Variants in CLEC4C observed in about 807,000 individuals in gnomAD.
The protein encoded by CLEC4C is C-type lectin domain family 4 member C.
In CLEC4C, 17 loss-of-function variants were observed where a neutral mutation model predicts 27.7. The observed-to-expected ratio is 0.61, with a 90% CI of 0.42 to 0.92. The LOEUF is 0.92. Ranked by LOEUF, CLEC4C falls within the 40% of genes least tolerant of loss-of-function variation. The pLI is 0.00. For synonymous variants in CLEC4C, 80 were observed against 80.8 expected (o/e 0.99, Z 0.06); for missense variants, 244 against 257.3 (o/e 0.95, Z 0.35).
In CLEC4C at chr12:7,729,730, A is replaced by T; in HGVS notation, c.508T>A (p.Ser170Thr). The T allele has an allele frequency of 6.2e-7, 1 of 1,613,914 alleles. No individual in the cohort carries two copies. The highest frequency in any genetic ancestry group is 1.3e-5 in the African/African-American group (1 of 75,056). ...TCATCAAGGTTATTGGGTTCACCTG[A>T]GTGCCAGAATCTGAAAGGTAGATAA... ...PYNENVTFWH[S>T]GEPNNLDERC... is the part of the protein sequence containing the mutation. Residue 170 changes from serine (S) to threonine (T), a missense_variant, in exon 6 of 6, where the codon TCA becomes ACA. Physicochemically the swap from Ser to Thr is moderately conservative, Grantham distance 58. Transcript: ENST00000360345.
At chr12:7,732,120 C>T (rs1864609260) in intron 4 of CLEC4C, among the ~76,000 whole-genome samples, 1 of 151,998 alleles carries the variant, frequency 6.6e-6, no homozygotes, top group African/African-American at 2.4e-5. Flanking sequence ...ACCTCTGCCT[C>T]CCGGGTTCAA....
At chr12:7,745,184 A>G (rs530703722) in intron 2 of CLEC4C, among the ~76,000 whole-genome samples, 5 of 151,978 alleles carry the variant, frequency 3.3e-5, no homozygotes, top group Non-Finnish European at 7.4e-5. Flanking sequence ...TTGGGAGGAA[A>G]TCAGGTTTAG....
chr12:7,742,814 T>G (rs1054636820), intron 2 of CLEC4C, among the ~76,000 whole-genome samples: 1 of 18,926 alleles, frequency 5.3e-5, no homozygotes, highest in East Asian at 1.4e-3. Flanking sequence ...ATCTCAAAAA[T>G]AAATAAATAA....
chr12:7,746,213 CAAAAAAA>C (rs932573091), intron 2 of CLEC4C, 111 bp downstream of exon 2: 87 of 414,876 alleles, frequency 2.1e-4, no homozygotes, highest in Non-Finnish European at 3.0e-4. Context: ...GATTCCGTCT[CAAAAAAA>C]AAAAAAAAAA....
intron 2 of CLEC4C, among the ~76,000 whole-genome samples, chr12:7,742,810 AAAAT>A (rs71038739): frequency 0.16 from 23,597 of 144,902 alleles, 2,007 homozygotes; most frequent in African/African-American, 0.22. Flanking sequence ...CTCCATCTCA[AAAAT>A]AAATAAATAA....
At chr12:7,741,105 G>A (rs998783797) in intron 3 of CLEC4C, among the ~76,000 whole-genome samples, 12 of 152,156 alleles carry the variant, frequency 7.9e-5, no homozygotes, top group African/African-American at 2.9e-4. Flanking sequence ...TGGGATTACA[G>A]GCTTGAGCCA....
At chr12:7,730,403 G>A (rs191486261) in intron 5 of CLEC4C, among the ~76,000 whole-genome samples, 2 of 152,308 alleles carry the variant, frequency 1.3e-5, no homozygotes, top group African/African-American at 4.8e-5. Context: ...CACTTTGGGA[G>A]GCCAAGGCAG....
At chr12:7,739,631 C>T (rs1337055858) in intron 3 of CLEC4C, among the ~76,000 whole-genome samples, 1 of 151,978 alleles carries the variant, frequency 6.6e-6, no homozygotes, top group Non-Finnish European at 1.5e-5. Context: ...CACTCTAGGC[C>T]ATATTTCATG....
rs966295950 is a variant in CLEC4C at position 7,730,982 on chromosome 12, A to T, written c.382-70T>A. ...ACCCTCATCTGGGACGAACACCGCC[A>T]CTTTAAGTTCCAGCTCCCTTTCTAG... On this transcript the variant is annotated intron_variant, in intron 4 of 5. Coordinates refer to ENST00000360345, the MANE Select transcript of CLEC4C (RefSeq NM_001371390.1). 23 of 744,476 alleles carry T rather than the reference A, an allele frequency of 3.1e-5. No homozygotes were observed. The Admixed American group carries it at 4.4e-4, about 14-fold the overall frequency. The allele number at this position is 744,476 out of a possible 1,614,324, so 46.1% of individuals were successfully genotyped here.
chr12:7,733,478 G>A (rs1864646143), intron 4 of CLEC4C, among the ~76,000 whole-genome samples: 1 of 139,598 alleles, frequency 7.2e-6, no homozygotes, highest in Admixed American at 7.7e-5. Flanking sequence ...TGACCAAGCT[G>A]GTCTTTTTTT....
At chr12:7,731,839 A>T (rs1313120856) in intron 4 of CLEC4C, among the ~76,000 whole-genome samples, 1 of 152,126 alleles carries the variant, frequency 6.6e-6, no homozygotes, top group Non-Finnish European at 1.5e-5. Flanking sequence ...CTGTAATCTC[A>T]ACTACTCGAG....
At chr12:7,730,698 T>C (rs1472032677) in intron 5 of CLEC4C, 99 bp downstream of exon 5, 4 of 633,368 alleles carry the variant, frequency 6.3e-6, no homozygotes, top group East Asian at 2.8e-5. Context: ...TTTTAAAAAG[T>C]GTTGTGGGTT....
chr12:7,736,311 A>G (rs974710931), intron 4 of CLEC4C, among the ~76,000 whole-genome samples: 1 of 152,172 alleles, frequency 6.6e-6, no homozygotes, highest in African/African-American at 2.4e-5. Context: ...TCTCAAAAAC[A>G]AAAAGAAGAT....
At chr12:7,737,786 G>A (rs1056349070) in intron 3 of CLEC4C, among the ~76,000 whole-genome samples, 1 of 152,092 alleles carries the variant, frequency 6.6e-6, no homozygotes, top group Non-Finnish European at 1.5e-5. Flanking sequence ...AGGCCAGATA[G>A]TAAATATCTC....
intron 2 of CLEC4C, among the ~76,000 whole-genome samples, chr12:7,745,372 C>A (rs921997803): frequency 2.0e-5 from 3 of 151,466 alleles, no homozygotes; most frequent in Admixed American, 6.6e-5. Flanking sequence ...GACTTCCAGC[C>A]TCCAGAACCA....
chr12:7,730,665 C>A, intron 5 of CLEC4C, 132 bp downstream of exon 5: 2 of 503,184 alleles, frequency 4.0e-6, no homozygotes, highest in Admixed American at 3.5e-5. Context: ...AAAGCACAAC[C>A]CTTGATGTCA....
chr12:7,745,236 C>T (rs902746565), intron 2 of CLEC4C, among the ~76,000 whole-genome samples: 1 of 151,830 alleles, frequency 6.6e-6, no homozygotes, highest in Non-Finnish European at 1.5e-5. Context: ...GATGAATGCT[C>T]TTATAAGAAG....
At position 7,737,486 on chromosome 12, in the gene CLEC4C, T is replaced by C. The variant is rs778167358; in HGVS notation, c.324A>G (p.Gln108=). 1.9e-6 allele frequency: 3 copies of C among 1,614,072 alleles called. No homozygotes were observed. The highest frequency in any genetic ancestry group is 2.2e-5 in the East Asian group (1 of 44,878). Residue 108 remains glutamine, a synonymous_variant, in exon 4 of 6, where the codon CAA becomes CAG. Transcript: ENST00000360345. ...STGMQSWTKS[Q]KNCSVMGADL... is the part of the protein sequence containing the mutation. ...CAGCCCCCATCACAGAACAGTTCTTTTGACTCTTAGTCCAAGATTGCATCC... is the reference window on the plus strand; with the variant it reads ...CAGCCCCCATCACAGAACAGTTCTTCTGACTCTTAGTCCAAGATTGCATCC...
At chr12:7,739,531 C>T (rs760619632) in intron 3 of CLEC4C, among the ~76,000 whole-genome samples, 4 of 152,152 alleles carry the variant, frequency 2.6e-5, no homozygotes, top group South Asian at 4.2e-4. Context: ...CTGCATACGA[C>T]GCTGTAGGCA....
Sources: allele counts gnomAD v4.1 joint callset (sites outside exome capture counted in the v4.1 genomes callset), GRCh38; gene constraint gnomAD v4.1.1; transcripts MANE v1.5; gene names NCBI Gene and HGNC (gene_info 2026-07-23, HGNC 2026-07-21).